The following PTCH2 variants were observed in gnomAD, a reference collection of about 807,000 sequenced individuals.
PTCH2 encodes patched 2, also known as protein patched homolog 2.
A neutral mutation model predicts 117.9 loss-of-function variants in PTCH2; 96 were observed. The ratio of observed to expected loss-of-function variants is 0.81; its 90% CI spans 0.69 to 0.96. The LOEUF (loss-of-function observed/expected upper bound fraction) is 0.96. Among genes scored for constraint, PTCH2 ranks in the 50% least tolerant of loss-of-function variants. The probability of loss-of-function intolerance (pLI) is 0.00; values close to 1 mark genes in which losing one functional copy is unlikely to be tolerated. For missense variants in PTCH2, 1,379 were observed against 1,562.5 expected (o/e 0.88, Z 1.98); for synonymous variants, 615 against 660.9 (o/e 0.93, Z 1.06).
intron 6 of PTCH2, among the ~76,000 whole-genome samples, 167 bp from the exon 7 acceptor site, chr1:44,830,197 T>A (rs1051451062): frequency 1.3e-5 from 2 of 151,332 alleles, no homozygotes; most frequent in Non-Finnish European, 2.9e-5. Flanking sequence ...ACAGCTAGTA[T>A]CCCGCAGACA....
chr1:44,831,057 C>CTA lies in PTCH2; in HGVS notation c.618-16_618-15dup. The CTA allele has an allele frequency of 1.2e-6, 2 of 1,608,794 alleles. No homozygotes were observed. Among genetic ancestry groups the CTA allele is most frequent in the Non-Finnish European group, 1.7e-6 (2 of 1,177,664 alleles). On this transcript the variant is annotated splice_polypyrimidine_tract_variant and intron_variant, in intron 5 of 21. Coordinates refer to ENST00000372192, the MANE Select transcript of PTCH2 (RefSeq NM_003738.5). This position sits in a 1 kb window ranked among gnomAD's most constrained non-coding sequence, Gnocchi z 4.3. ...TCCGGGCGGCCGCTGAGGGAAAAGC[C>CTA]TATAGTTGGTGAGGGTCAGGGACGA...
rs2148875589 is a variant in PTCH2 at position 44,827,707 on chromosome 1, A to C, written c.2066T>G (p.Val689Gly). ...CAGAAGAGCACCAAAGAGCACCAGC[A>C]CGATGGCCTGCGGGATGTAGCAACT... ...LLLQSHAKAI[V>G]LVLFGALLGL... Residue 689 changes from valine to glycine, a missense_variant, in exon 15 of 22, where the codon GTG (valine) becomes GGG (glycine). Val to Gly is a moderately radical substitution (Grantham distance 109). Coordinates refer to ENST00000372192, the MANE Select transcript of PTCH2 (RefSeq NM_003738.5). 1 of 1,611,284 alleles carries C rather than the reference A, an allele frequency of 6.2e-7. No individual in the cohort carries two copies. The highest frequency in any genetic ancestry group is 1.7e-4 in the Middle Eastern group (1 of 6,060).
At position 44,832,112 on chromosome 1, in the gene PTCH2, C is replaced by T. The variant is rs78734875; in HGVS notation, c.455+40G>A. 3.8e-3 allele frequency: 6,172 copies of T among 1,613,366 alleles called. 21 individuals are homozygous for T. Among genetic ancestry groups the T allele is most frequent in the Middle Eastern group, 7.6e-3 (46 of 6,060 alleles). On this transcript the variant is annotated intron_variant, in intron 3 of 21. Coordinates refer to ENST00000372192, the MANE Select transcript of PTCH2 (RefSeq NM_003738.5). ...TTCCCACTCCAGAACCCCCACAGCA[C>T]GCCTCGCCCCCAGCTGCTCAGGGGC...
chr1:44,829,456 C>G lies in PTCH2; in HGVS notation c.1161G>C (p.Leu387=), dbSNP rs759092490. Residue 387 remains leucine, a synonymous_variant, in exon 9 of 22, where the codon CTG becomes CTC. Coordinates refer to ENST00000372192, the MANE Select transcript of PTCH2 (RefSeq NM_003738.5). ...CAGCACTGACTTCAGAGAACGCATG[C>G]AGGATGTCATCCAGGGTGGTGGAGG... ...AFSSTTLDDI[L]HAFSEVSAAR... The G allele has an allele frequency of 6.2e-7, 1 of 1,614,208 alleles. No individual in the cohort carries two copies. Among genetic ancestry groups the G allele is most frequent in the Non-Finnish European group, 8.5e-7 (1 of 1,180,028 alleles).
chr1:44,829,123 C>T, intron 10 of PTCH2, 34 bp downstream of exon 10: 5 of 1,613,858 alleles, frequency 3.1e-6, no homozygotes, highest in Non-Finnish European at 3.4e-6. Flanking sequence ...AGCCTGGTGA[C>T]TGGCACTGAG....
In PTCH2 at chr1:44,826,741, G is replaced by T. The variant is rs780051487; in HGVS notation, c.2723C>A (p.Ala908Asp). The T allele has an allele frequency of 1.3e-6, 2 of 1,595,558 alleles. No homozygotes were observed. The highest frequency in any genetic ancestry group is 1.1e-5 in the South Asian group (1 of 89,120). Residue 908 changes from alanine to aspartate, a missense_variant, in exon 18 of 22, where the codon GCC (alanine) becomes GAC (aspartate). Transcript: ENST00000372192. This position sits in a 1 kb window ranked among gnomAD's most constrained non-coding sequence, Gnocchi z 5.1. ...GCCACGCAGCAGGAAGGGGAACTGG[G>T]CAAACTCCAAGGGCTGAGCTGGCGG... ...RIPPAQPLEF[A>D]QFPFLLRGLQ...
chr1:44,831,066 G>T lies in PTCH2; in HGVS notation c.618-23C>A. The T allele has an allele frequency of 6.2e-7, 1 of 1,606,394 alleles. No homozygotes were observed. Among genetic ancestry groups the T allele is most frequent in the South Asian group, 1.1e-5 (1 of 90,542 alleles). ...CCGCTGAGGGAAAAGCCTATAGTTG[G>T]TGAGGGTCAGGGACGAAAACCCAGG... On this transcript the variant is annotated intron_variant, in intron 5 of 21. Coordinates refer to ENST00000372192, the MANE Select transcript of PTCH2 (RefSeq NM_003738.5). The surrounding 1 kb of genome is among the most constrained non-coding windows in gnomAD (Gnocchi z 4.3).
At chr1:44,829,356 C>T (rs1430364774) in intron 9 of PTCH2, 44 bp from the exon 10 acceptor site, 1 of 1,613,954 alleles carries the variant, frequency 6.2e-7, no homozygotes, top group Admixed American at 1.7e-5. Context: ...AGGGTGGGCA[C>T]TGGTTGGAGG....
intron 2 of PTCH2, among the ~76,000 whole-genome samples, chr1:44,839,581 T>A (rs1261197035): frequency 6.6e-6 from 1 of 151,872 alleles, no homozygotes; most frequent in Non-Finnish European, 1.5e-5. Context: ...ACATGGAGGC[T>A]CAAGCAGTGT....
In PTCH2 at chr1:44,825,844, CT is replaced by C. The variant is rs35549385; in HGVS notation, c.3114+405del. On this transcript the variant is annotated intron_variant, in intron 19 of 21. Coordinates refer to ENST00000372192, the MANE Select transcript of PTCH2 (RefSeq NM_003738.5). ...TGAGCCACTGTGCCCAGCCCAAATT[CT>C]TTTTTTTTTTTTTTTTTGAGACGGA... 2.6e-3 allele frequency among the ~76,000 whole-genome samples: 308 copies of C among 118,376 alleles called. 1 individual carries two copies. The highest frequency in any genetic ancestry group is 5.7e-3 in the South Asian group (21 of 3,688). The allele number at this position is 118,376 out of a possible 152,430, so 77.7% of individuals were successfully genotyped here. A position where few individuals can be genotyped will look rare whatever the true frequency, so the allele number is the denominator to read the frequency against.
intron 2 of PTCH2, among the ~76,000 whole-genome samples, chr1:44,835,539 AC>A (rs1236194808): frequency 6.6e-6 from 1 of 152,208 alleles, no homozygotes; most frequent in Non-Finnish European, 1.5e-5. Flanking sequence ...ACTCTAACCC[AC>A]CATGAGAGTG....
At chr1:44,822,962 T>A in intron 21 of PTCH2, 107 bp downstream of exon 21, 1 of 1,271,186 alleles carries the variant, frequency 7.9e-7, no homozygotes. Flanking sequence ...TGGCACCTGT[T>A]GGGGAGGTAC....
At chr1:44,820,739 T>A (rs1253444488), downstream of PTCH2, 2 of 718,150 alleles carry the variant, frequency 2.8e-6, no homozygotes, top group Middle Eastern at 2.3e-4. Flanking sequence ...TTAGTGAGGC[T>A]GGCTAACTTG....
rs776284730 is a variant in PTCH2, at chr1:44,829,187, G to A, written c.1341C>T (p.Leu447=). 7 of 1,613,544 alleles carry A rather than the reference G, an allele frequency of 4.3e-6. No individual in the cohort carries two copies. Among genetic ancestry groups the A allele is most frequent in the Admixed American group, 1.7e-5 (1 of 60,012 alleles). ...TAGTGGCAGCATTGAAGGTGATGCCGAGCAGGGCACAGAGCCCAAGGCCTG... is the reference window on the plus strand; with the variant it reads ...TAGTGGCAGCATTGAAGGTGATGCCAAGCAGGGCACAGAGCCCAAGGCCTG... ...VASGLGLCAL[L]GITFNAATTQ... is the part of the protein sequence containing the mutation. Residue 447 remains leucine, a synonymous_variant, in exon 10 of 22, where the codon CTC becomes CTT. Coordinates refer to ENST00000372192, the MANE Select transcript of PTCH2 (RefSeq NM_003738.5).
In PTCH2 at chr1:44,829,328, G is replaced by A. The variant is rs1653320208; in HGVS notation, c.1216-16C>T. 3 of 1,613,686 alleles carry A rather than the reference G, an allele frequency of 1.9e-6. No homozygotes were observed. Among genetic ancestry groups the A allele is most frequent in the Non-Finnish European group, 2.5e-6 (3 of 1,180,010 alleles). ...CATAGGCCAGCTGTGGGGGGAAAGG[G>A]CAGTCTCAGGGGCTCCCAGGGTGGG... On this transcript the variant is annotated splice_polypyrimidine_tract_variant and intron_variant, in intron 9 of 21. Transcript: ENST00000372192.
Position 44,831,763 on chromosome 1 carries a change from GT to G in PTCH2, c.559del (p.Thr187ProfsTer52). On this transcript the variant is annotated frameshift_variant, in exon 5 of 22. Transcript: ENST00000372192. LOFTEE classifies it high-confidence loss of function. The surrounding 1 kb of genome is among the most constrained non-coding windows in gnomAD (Gnocchi z 4.3). ...IEKLFPCVIL[T>X]PLDCFWEGAK... ...TCCCTCCCAGAAGCAGTCGAGGGGG[GT>G]GAGGATCACGCACGGAAACAGCTTC... 6.3e-7 allele frequency: 1 copy of G among 1,589,876 alleles called. No individual in the cohort carries two copies.
intron 6 of PTCH2, 124 bp downstream of exon 6, chr1:44,830,724 G>T: frequency 1.0e-6 from 1 of 973,530 alleles, no homozygotes; most frequent in Non-Finnish European, 1.5e-6. Flanking sequence ...TGGGAGCAGG[G>T]TAATAATGGC....
chr1:44,842,154 G>T, intron 1 of PTCH2, 115 bp from the exon 2 acceptor site: 1 of 1,016,000 alleles, frequency 9.8e-7, no homozygotes, highest in Non-Finnish European at 1.5e-6. Flanking sequence ...CTGGATGTGG[G>T]ACAGGGAGCA....
At chr1:44,841,774 A>G in intron 2 of PTCH2, 73 bp downstream of exon 2, 1 of 1,550,550 alleles carries the variant, frequency 6.4e-7, no homozygotes, top group East Asian at 2.2e-5. Context: ...AGAGCTCAGT[A>G]GCCAGCTCCT....
Sources: gnomAD v4.1 joint callset for allele counts (sites outside exome capture counted in the v4.1 genomes callset) on GRCh38, gnomAD v4.1.1 for gene constraint, Gnocchi (gnomAD v3.1) non-coding constraint, MANE v1.5 for transcripts, NCBI Gene and HGNC (gene_info 2026-07-23, HGNC 2026-07-21) for gene names.